PTGER3: variants seen among roughly 807,000 people sequenced by gnomAD.
PTGER3 encodes the protein prostaglandin E receptor 3.
PTGER3 carries 22 observed loss-of-function variants against 34.7 expected under a neutral mutation model. The ratio of observed to expected loss-of-function variants is 0.63; its 90% confidence interval spans 0.45 to 0.91. PTGER3 has a LOEUF of 0.91. Ranked by LOEUF, PTGER3 falls within the 40% of genes least tolerant of loss-of-function variation. The pLI is 0.00. For missense variants in PTGER3, 468 were observed against 519.4 expected (o/e 0.90, Z 0.96); for synonymous variants, 241 against 230.1 (o/e 1.05, Z -0.43).
At chr1:71,035,010 A>C (rs1659703871) in intron 1 of PTGER3, among the ~76,000 whole-genome samples, 1 of 149,676 alleles carries the variant, frequency 6.7e-6, no homozygotes, top group Admixed American at 6.6e-5. Flanking sequence ...AGCCTGGCAC[A>C]ATCTTGGCTC....
chr1:71,047,542 G>T lies in PTGER3; in HGVS notation c.36C>A (p.Pro12=), dbSNP rs1033154286. 1.5e-5 allele frequency: 23 copies of T among 1,576,112 alleles called. No individual in the cohort carries two copies. The highest frequency in any genetic ancestry group is 1.7e-5 in the Non-Finnish European group (20 of 1,159,560). Residue 12 remains proline (P), a synonymous_variant, in exon 1 of 4, where the codon CCC becomes CCA. Coordinates refer to ENST00000306666, the MANE Select transcript of PTGER3 (RefSeq NM_198719.2). ...KETRGYGGDA[P]FCTRLNHSYT... ...AGGAGTGGTTGAGGCGGGTGCAGAA[G>T]GGGGCATCCCCTCCGTAGCCCCGGG... is the stretch of plus-strand genomic sequence containing the variant.
intron 1 of PTGER3, among the ~76,000 whole-genome samples, chr1:71,045,865 C>T (rs1160077852): frequency 6.6e-6 from 1 of 152,034 alleles, no homozygotes; most frequent in African/African-American, 2.4e-5. Flanking sequence ...ATCTTTCATT[C>T]TCCTGCCTCA....
intron 4 of PTGER3, among the ~76,000 whole-genome samples, chr1:70,879,546 C>G (rs566943208): frequency 6.6e-6 from 1 of 151,874 alleles, no homozygotes; most frequent in Admixed American, 6.6e-5. Flanking sequence ...CAACGTCTAG[C>G]CTCCCTCTTT....
rs112066333 is a variant in PTGER3, at chr1:70,965,321, G to A, written c.1078-11532C>T. On this transcript the variant is annotated intron_variant, in intron 2 of 3. Transcript: ENST00000356595. ...TTATTAACAAAACATAACTCTGGCA[G>A]CAGGTGTGGAAAATGGATGGAGGGG... Among the ~76,000 whole-genome samples, 699 of 152,234 alleles carry A rather than the reference G, an allele frequency of 4.6e-3. 13 individuals carry two copies. The highest frequency in any genetic ancestry group is 0.016 in the African/African-American group (659 of 41,528).
chr1:71,034,869 G>A (rs1659691499), intron 1 of PTGER3, among the ~76,000 whole-genome samples: 1 of 152,074 alleles, frequency 6.6e-6, no homozygotes, highest in Non-Finnish European at 1.5e-5. Context: ...CTACTTAATA[G>A]CTTTGCTACC....
intron 4 of PTGER3, among the ~76,000 whole-genome samples, chr1:70,897,876 C>G (rs1646753915): frequency 6.6e-6 from 1 of 152,172 alleles, no homozygotes; most frequent in African/African-American, 2.4e-5. Context: ...AAAATATCAT[C>G]AGTTCTTCAA....
chr1:70,958,908 T>C (rs1008867942), intron 2 of PTGER3, among the ~76,000 whole-genome samples: 7 of 152,228 alleles, frequency 4.6e-5, no homozygotes, highest in African/African-American at 1.7e-4. Flanking sequence ...TATCCATTTT[T>C]TTCAGCACCA....
At chr1:70,901,038 A>T (rs1352048821) in intron 4 of PTGER3, among the ~76,000 whole-genome samples, 1 of 152,184 alleles carries the variant, frequency 6.6e-6, no homozygotes, top group Non-Finnish European at 1.5e-5. Flanking sequence ...ACCATGCCGT[A>T]TGTGGTAAGA....
chr1:70,852,841 A>C (rs747606201), exon 5 of PTGER3: 8 of 1,613,596 alleles, frequency 5.0e-6, no homozygotes, highest in Non-Finnish European at 6.8e-6. Flanking sequence ...GGCAGGTTTT[A>C]ATTTCCCCAA....
intron 4 of PTGER3, among the ~76,000 whole-genome samples, chr1:70,917,652 G>T (rs1392670180): frequency 6.6e-6 from 1 of 151,702 alleles, no homozygotes; most frequent in Non-Finnish European, 1.5e-5. Flanking sequence ...CATAATGGCT[G>T]TACTAATTTA....
intron 1 of PTGER3, among the ~76,000 whole-genome samples, chr1:71,023,826 G>GTT (rs796706220): frequency 6.8e-6 from 1 of 147,520 alleles, no homozygotes; most frequent in Non-Finnish European, 1.5e-5. Context: ...ACCTCTTATG[G>GTT]TTTTTTTTTT....
intron 4 of PTGER3, among the ~76,000 whole-genome samples, chr1:70,871,770 C>G (rs1486443677): frequency 6.6e-6 from 1 of 152,126 alleles, no homozygotes; most frequent in Non-Finnish European, 1.5e-5. Flanking sequence ...CTTCCTCTAT[C>G]CTGAGCTGGA....
chr1:70,858,646 A>T (rs1645862074), intron 4 of PTGER3, among the ~76,000 whole-genome samples: 1 of 152,160 alleles, frequency 6.6e-6, no homozygotes, highest in Admixed American at 6.5e-5. Flanking sequence ...CCCTAAAAAG[A>T]TTATAATGAG....
At chr1:71,005,549 C>A (rs1656879118) in intron 2 of PTGER3, among the ~76,000 whole-genome samples, 1 of 152,188 alleles carries the variant, frequency 6.6e-6, no homozygotes, top group African/African-American at 2.4e-5. Context: ...GTTATAAATT[C>A]ACTGAGAGCT....
downstream of PTGER3, among the ~76,000 whole-genome samples, chr1:70,969,077 GGT>G: frequency 6.6e-6 from 1 of 151,858 alleles, no homozygotes; most frequent in South Asian, 2.1e-4. Context: ...AGTGGTGGTG[GGT>G]GCCTGTAATC....
intron 4 of PTGER3, among the ~76,000 whole-genome samples, chr1:70,881,812 G>A (rs1161726333): frequency 2.0e-5 from 3 of 152,182 alleles, no homozygotes; most frequent in Non-Finnish European, 4.4e-5. Context: ...TGCTGGGTTG[G>A]CCCTAATATG....
At chr1:70,862,466 G>T in intron 4 of PTGER3, 1 of 977,754 alleles carries the variant, frequency 1.0e-6, no homozygotes, top group Non-Finnish European at 1.5e-6. Context: ...GAAGTGAAGT[G>T]AATGGATAAT....
chr1:70,879,246 T>TTG (rs1646335350), intron 4 of PTGER3, among the ~76,000 whole-genome samples: 1 of 136,584 alleles, frequency 7.3e-6, no homozygotes, highest in African/African-American at 2.8e-5. Flanking sequence ...TTCTTTTTGT[T>TTG]TTTTGTTTGT....
At chr1:70,990,442 AATAT>A (rs140935303) in intron 2 of PTGER3, among the ~76,000 whole-genome samples, 8,426 of 146,940 alleles carry the variant, frequency 0.057, 434 homozygotes, top group African/African-American at 0.13. Flanking sequence ...ATCAATGTAT[AATAT>A]ATATATACAT....
Sources: allele counts gnomAD v4.1 joint callset (sites outside exome capture counted in the v4.1 genomes callset), GRCh38; gene constraint gnomAD v4.1.1; transcripts MANE v1.5; gene names NCBI Gene and HGNC (gene_info 2026-07-23, HGNC 2026-07-21).